Variants in FGF14 observed in about 807,000 individuals in gnomAD.
FGF14 encodes fibroblast growth factor 14.
A neutral mutation model predicts 25.5 loss-of-function variants in FGF14; 5 were observed. That is an observed-to-expected ratio of 0.20 (90% CI 0.10 to 0.41). FGF14 has a LOEUF of 0.41. Ranked by LOEUF, FGF14 falls within the 10% of genes least tolerant of loss-of-function variation. The pLI is 1.00. For missense variants in FGF14, 222 were observed against 320.1 expected (o/e 0.69, Z 2.34); for synonymous variants, 138 against 118.3 (o/e 1.17, Z -1.08).
chr13:102,309,112 C>T (rs1167101152), intron 1 of FGF14, among the ~76,000 whole-genome samples: 1 of 138,318 alleles, frequency 7.2e-6, no homozygotes, highest in African/African-American at 2.8e-5. Flanking sequence ...CATGCACCCA[C>T]ACAAATGCAT....
intron 1 of FGF14, chr13:102,263,142 G>T (rs780098545): frequency 8.3e-6 from 5 of 604,940 alleles, no homozygotes; most frequent in Non-Finnish European, 1.6e-5. Context: ...GGATGATTTT[G>T]CTTTTGTTTC....
chr13:102,121,039 C>T (rs1259279169), intron 1 of FGF14, among the ~76,000 whole-genome samples: 4 of 152,140 alleles, frequency 2.6e-5, no homozygotes, highest in African/African-American at 7.2e-5. Flanking sequence ...TGAGTACTTC[C>T]GAGCATACAC....
At chr13:101,871,093 T>C (rs1317387178) in intron 2 of FGF14, among the ~76,000 whole-genome samples, 1 of 152,176 alleles carries the variant, frequency 6.6e-6, no homozygotes, top group Non-Finnish European at 1.5e-5. Context: ...GAGCTGGCCA[T>C]GATGGAACCG....
intron 1 of FGF14, among the ~76,000 whole-genome samples, chr13:101,999,008 C>A (rs763569530): frequency 6.6e-6 from 1 of 152,122 alleles, no homozygotes; most frequent in South Asian, 2.1e-4. Flanking sequence ...TATTTATTAA[C>A]CCTATAAATG....
intron 1 of FGF14, among the ~76,000 whole-genome samples, chr13:102,221,138 C>T (rs976864286): frequency 6.6e-6 from 1 of 152,170 alleles, no homozygotes; most frequent in African/African-American, 2.4e-5. Flanking sequence ...ACTCTAGGTA[C>T]TCTAGCAATG....
chr13:102,023,747 T>C (rs1363225144), intron 1 of FGF14, among the ~76,000 whole-genome samples: 2 of 152,022 alleles, frequency 1.3e-5, no homozygotes, highest in East Asian at 3.9e-4. Context: ...TTAAGGTTCG[T>C]TTATGTCATA....
At chr13:101,970,465 G>A (rs967788778) in intron 1 of FGF14, among the ~76,000 whole-genome samples, 4 of 152,190 alleles carry the variant, frequency 2.6e-5, no homozygotes, top group African/African-American at 7.2e-5. Flanking sequence ...ATCTGCTTCC[G>A]CTCAGAAAAC....
At chr13:102,008,996 G>C (rs1314237080) in intron 1 of FGF14, among the ~76,000 whole-genome samples, 1 of 152,006 alleles carries the variant, frequency 6.6e-6, no homozygotes, top group Non-Finnish European at 1.5e-5. Context: ...AGGTCAACTT[G>C]AATATTTGTT....
intron 1 of FGF14, among the ~76,000 whole-genome samples, chr13:102,121,458 C>T (rs531266834): frequency 1.3e-5 from 2 of 151,912 alleles, no homozygotes; most frequent in South Asian, 2.1e-4. Context: ...CTATTTGATT[C>T]ATCATTTACT....
chr13:102,392,586 A>G (rs1340500447), intron 1 of FGF14, among the ~76,000 whole-genome samples: 1 of 152,160 alleles, frequency 6.6e-6, no homozygotes, highest in Non-Finnish European at 1.5e-5. Flanking sequence ...CGGCCCCTCA[A>G]TATAAACAGT....
At chr13:101,758,646 C>G (rs1328353) in intron 3 of FGF14, among the ~76,000 whole-genome samples, 1 of 151,988 alleles carries the variant, frequency 6.6e-6, no homozygotes, top group Non-Finnish European at 1.5e-5. Context: ...AAACCTAATA[C>G]TTTCTCTTAT....
At chr13:102,286,330 A>C (rs2054096998) in intron 1 of FGF14, among the ~76,000 whole-genome samples, 1 of 146,344 alleles carries the variant, frequency 6.8e-6, no homozygotes, top group African/African-American at 2.6e-5. Context: ...CTCACCCATC[A>C]CATAGGAACT....
intron 1 of FGF14, among the ~76,000 whole-genome samples, chr13:101,886,942 A>G (rs2046019567): frequency 6.6e-6 from 1 of 152,136 alleles, no homozygotes; most frequent in African/African-American, 2.4e-5. Flanking sequence ...TATTTTTAAA[A>G]TGTTCAGCAT....
At chr13:101,886,660 A>G (rs2046002654) in intron 1 of FGF14, among the ~76,000 whole-genome samples, 1 of 152,190 alleles carries the variant, frequency 6.6e-6, no homozygotes, top group Admixed American at 6.6e-5. Context: ...TTAAGACCTC[A>G]AAAGTGTAAG....
intron 1 of FGF14, among the ~76,000 whole-genome samples, chr13:102,344,238 TA>T (rs900197515): frequency 2.0e-4 from 30 of 152,334 alleles, no homozygotes; most frequent in African/African-American, 7.2e-4. Context: ...GAATATTTTT[TA>T]AAAGAGAGAT....
rs531445068 is a variant in FGF14, at chr13:101,868,627, G to A, written c.408+98C>T. The A allele has an allele frequency of 3.2e-4, 267 of 835,310 alleles. No individual in the cohort carries two copies. The African/African-American group carries it at 3.7e-3, about 11-fold the overall frequency. The allele number at this position is 835,310 out of a possible 1,614,324, so 51.7% of individuals were successfully genotyped here. A position where few individuals can be genotyped will look rare whatever the true frequency, so the allele number is the denominator to read the frequency against. ...AGATCAAATACTAAGGCAAAAACTG[G>A]CAGAAACAACAGACATAGAACTTTC... On this transcript the variant is annotated intron_variant, in intron 3 of 4. Transcript: ENST00000376143.
At chr13:101,876,482 C>T (rs2045401370) in intron 1 of FGF14, among the ~76,000 whole-genome samples, 1 of 152,102 alleles carries the variant, frequency 6.6e-6, no homozygotes, top group South Asian at 2.1e-4. Flanking sequence ...CTTTATTAGT[C>T]CTGAAGAAAT....
intron 3 of FGF14, among the ~76,000 whole-genome samples, chr13:101,846,788 A>C (rs1374471422): frequency 3.9e-5 from 6 of 152,012 alleles, no homozygotes; most frequent in Admixed American, 2.6e-4. Context: ...ATGGCTTTAA[A>C]AGTGTATGCG....
At chr13:102,241,431 C>A (rs1311756425) in intron 1 of FGF14, among the ~76,000 whole-genome samples, 1 of 152,116 alleles carries the variant, frequency 6.6e-6, no homozygotes, top group Admixed American at 6.6e-5. Context: ...TGGCCAAACA[C>A]AACAGCCCTG....
Sources: gnomAD v4.1 joint callset for allele counts (sites outside exome capture counted in the v4.1 genomes callset) on GRCh38, gnomAD v4.1.1 for gene constraint, MANE v1.5 for transcripts, NCBI Gene and HGNC (gene_info 2026-07-23, HGNC 2026-07-21) for gene names.